NSUN6: variants seen among roughly 807,000 people sequenced by gnomAD.
The protein encoded by NSUN6 is NOP2/Sun RNA methyltransferase 6.
In NSUN6, 64 loss-of-function variants were observed where a neutral mutation model predicts 58.0. That is an observed-to-expected ratio of 1.10 (90% CI 0.90 to 1.36). The LOEUF (loss-of-function observed/expected upper bound fraction) is 1.36. Among genes scored for constraint, NSUN6 ranks in the 40% most tolerant of loss-of-function variants. NSUN6 has a pLI of 0.00. For missense variants in NSUN6, 701 were observed against 550.1 expected (o/e 1.27, Z -2.74); for synonymous variants, 231 against 193.9 (o/e 1.19, Z -1.59).
chr10:18,629,734 G>A (rs917582781), intron 3 of NSUN6, among the ~76,000 whole-genome samples: 80 of 147,938 alleles, frequency 5.4e-4, no homozygotes, highest in African/African-American at 1.9e-3. Context: ...CCCAATACAG[G>A]AGCACCCAGA....
At chr10:18,577,556 C>T (rs1309890310) in intron 8 of NSUN6, among the ~76,000 whole-genome samples, 2 of 152,084 alleles carry the variant, frequency 1.3e-5, no homozygotes, top group Non-Finnish European at 2.9e-5. Context: ...AGAGAAGTTT[C>T]TCCTTTTGGA....
chr10:18,579,333 G>C (rs2056804132), intron 8 of NSUN6, among the ~76,000 whole-genome samples: 1 of 152,056 alleles, frequency 6.6e-6, no homozygotes, highest in African/African-American at 2.4e-5. Context: ...ACCACATCCA[G>C]CTAATTTTTT....
At chr10:18,604,542 A>G (rs1048570422) in intron 6 of NSUN6, among the ~76,000 whole-genome samples, 1 of 152,090 alleles carries the variant, frequency 6.6e-6, no homozygotes, top group African/African-American at 2.4e-5. Context: ...ATGAATCAGA[A>G]TCTGCATTTT....
rs369325065 is a variant in NSUN6 at position 18,648,550 on chromosome 10, C to T, written c.171G>A (p.Val57=). ...GTTGTACTGAGGCTAAATGTGTATT[C>T]ACTCTGACAGTTGTAAATGATGGAG... The part of the protein sequence containing the change: ...SHPPSFTTVR[V]NTHLASVQHV... The change falls in exon 2 of 11, where the codon GTG becomes GTA. Residue 57 remains valine, a synonymous_variant. Transcript: ENST00000377304. The T allele has an allele frequency of 1.2e-6, 2 of 1,606,366 alleles. No homozygotes were observed. The highest frequency in any genetic ancestry group is 2.7e-5 in the African/African-American group (2 of 74,918).
chr10:18,606,167 G>GT (rs1211352352), intron 6 of NSUN6, among the ~76,000 whole-genome samples: 2 of 152,174 alleles, frequency 1.3e-5, no homozygotes, highest in African/African-American at 2.4e-5. Context: ...ATCTGGGTCT[G>GT]TATCACAATA....
intron 3 of NSUN6, among the ~76,000 whole-genome samples, chr10:18,637,680 A>G (rs1401641741): frequency 1.3e-5 from 2 of 152,240 alleles, no homozygotes; most frequent in Admixed American, 6.5e-5. Flanking sequence ...ATTGACTCCA[A>G]CACTTCCGGT....
intron 8 of NSUN6, among the ~76,000 whole-genome samples, chr10:18,572,192 C>T (rs1356603373): frequency 1.3e-5 from 2 of 151,014 alleles, no homozygotes; most frequent in Non-Finnish European, 3.0e-5. Context: ...ATTCTATTGT[C>T]TATTCCATTC....
intron 8 of NSUN6, among the ~76,000 whole-genome samples, chr10:18,565,692 C>T (rs1460271981): frequency 1.3e-5 from 2 of 150,738 alleles, no homozygotes; most frequent in Non-Finnish European, 3.0e-5. Flanking sequence ...CCTTCCATTC[C>T]ATTCCACTCC....
At position 18,548,188 on chromosome 10, in the gene NSUN6, G is replaced by T; in HGVS notation, c.1121C>A (p.Thr374Asn). The T allele has an allele frequency of 6.2e-7, 1 of 1,613,666 alleles. No individual in the cohort carries two copies. Among genetic ancestry groups the T allele is most frequent in the South Asian group, 1.1e-5 (1 of 91,032 alleles). Residue 374 changes from threonine to asparagine, a missense_variant, in exon 10 of 11, where the codon ACT (threonine) becomes AAT (asparagine). Transcript: ENST00000377304. ...TTCTTCATTTTCGGCCAGTGTTATA[G>T]TGCACGTGCTATAAACCAGCACACC... Reference protein sequence around the residue: ...PEGVLVYSTCTITLAENEEQV... With the variant: ...PEGVLVYSTCNITLAENEEQV...
At chr10:18,572,244 T>C (rs1185589084) in intron 8 of NSUN6, among the ~76,000 whole-genome samples, 2 of 144,182 alleles carry the variant, frequency 1.4e-5, no homozygotes, top group African/African-American at 5.8e-5. Context: ...CCCCATTGCA[T>C]TGTCCATTCC....
chr10:18,620,570 T>C (rs2058570629), intron 3 of NSUN6, among the ~76,000 whole-genome samples: 1 of 152,230 alleles, frequency 6.6e-6, no homozygotes, highest in Non-Finnish European at 1.5e-5. Flanking sequence ...CATGCATTCA[T>C]GTCTTTCCTC....
At chr10:18,563,178 G>A (rs1439783605) in intron 8 of NSUN6, among the ~76,000 whole-genome samples, 4 of 94,458 alleles carry the variant, frequency 4.2e-5, no homozygotes, top group African/African-American at 1.8e-4. Context: ...GGAATGGAAT[G>A]GAGAATGGTA....
Position 18,651,214 on chromosome 10 carries a change from G to C in NSUN6, c.-11C>G, listed in dbSNP as rs551895165. 1 of 1,539,938 alleles carries C rather than the reference G, an allele frequency of 6.5e-7. No individual in the cohort carries two copies. Among genetic ancestry groups the C allele is most frequent in the African/African-American group, 1.4e-5 (1 of 70,042 alleles). Reference sequence around the variant, plus strand: ...AGGGAAAATAGACATTTTTCCTGTTGTTTAGTTCTCCACCAAGAGAAATGC... The same window carrying C: ...AGGGAAAATAGACATTTTTCCTGTTCTTTAGTTCTCCACCAAGAGAAATGC... On this transcript the variant is annotated 5_prime_UTR_variant, in exon 1 of 11. Coordinates refer to ENST00000377304, the MANE Select transcript of NSUN6 (RefSeq NM_182543.5).
At chr10:18,587,065 C>A (rs1394605339) in intron 7 of NSUN6, among the ~76,000 whole-genome samples, 25 of 152,162 alleles carry the variant, frequency 1.6e-4, no homozygotes. Flanking sequence ...TAAGAAAATA[C>A]ACATTCTTGC....
chr10:18,568,016 C>G (rs2056092570), intron 8 of NSUN6, among the ~76,000 whole-genome samples: 2 of 150,716 alleles, frequency 1.3e-5, no homozygotes, highest in African/African-American at 4.9e-5. Flanking sequence ...TTCACCACTG[C>G]ATGCCATTCT....
chr10:18,577,962 C>T (rs2056734905), intron 8 of NSUN6, among the ~76,000 whole-genome samples: 1 of 152,226 alleles, frequency 6.6e-6, no homozygotes, highest in Non-Finnish European at 1.5e-5. Flanking sequence ...AGAACCCCTT[C>T]CCCTCCCTTG....
chr10:18,562,462 G>C (rs557112073), intron 8 of NSUN6, among the ~76,000 whole-genome samples: 1 of 150,808 alleles, frequency 6.6e-6, no homozygotes, highest in Admixed American at 6.6e-5. Flanking sequence ...GGAATGGAAT[G>C]GATTGCAGAA....
At chr10:18,614,783 A>C (rs1444711436) in intron 4 of NSUN6, among the ~76,000 whole-genome samples, 170 bp from the exon 5 acceptor site, 1 of 152,160 alleles carries the variant, frequency 6.6e-6, no homozygotes, top group Non-Finnish European at 1.5e-5. Context: ...TTTACTTTAA[A>C]ATATTCCATA....
intron 3 of NSUN6, among the ~76,000 whole-genome samples, chr10:18,633,408 T>TACA (rs71402189): frequency 0.21 from 31,924 of 151,488 alleles, 3,668 homozygotes; most frequent in South Asian, 0.31. Context: ...AAACTTAAAG[T>TACA]ATAATAATAA....
Sources: allele counts gnomAD v4.1 joint callset (sites outside exome capture counted in the v4.1 genomes callset), GRCh38; gene constraint gnomAD v4.1.1; transcripts MANE v1.5; gene names NCBI Gene and HGNC (gene_info 2026-07-23, HGNC 2026-07-21).